Variants in ASCC3 observed in about 807,000 individuals in gnomAD.
The protein encoded by ASCC3 is ASC-1 complex subunit P200.
A neutral mutation model predicts 256.3 loss-of-function variants in ASCC3; 158 were observed. That is an observed-to-expected ratio of 0.62 (90% CI 0.54 to 0.70). The LOEUF (loss-of-function observed/expected upper bound fraction) is 0.70. ASCC3 is among the 30% of genes least tolerant of loss of function. The probability of loss-of-function intolerance (pLI) is 0.00; values close to 1 mark genes in which losing one functional copy is unlikely to be tolerated. For missense variants in ASCC3, 2,259 were observed against 2,626.0 expected, an observed-to-expected ratio of 0.86 and a Z score of 3.05; for synonymous variants, 948 against 883.4, an observed-to-expected ratio of 1.07 and a Z score of -1.30.
chr6:100,670,418 T>C (rs1157496067), intron 14 of ASCC3, among the ~76,000 whole-genome samples: 1 of 152,078 alleles, frequency 6.6e-6, no homozygotes, highest in East Asian at 1.9e-4. Context: ...TAATTTACAC[T>C]GTCTGCCTGT....
intron 4 of ASCC3, among the ~76,000 whole-genome samples, chr6:100,846,744 T>C (rs1772403319): frequency 6.6e-6 from 1 of 152,194 alleles, no homozygotes; most frequent in Non-Finnish European, 1.5e-5. Flanking sequence ...TAAGAATTGG[T>C]TCAAGCTTAA....
chr6:100,731,638 G>C (rs1353200144), intron 10 of ASCC3, among the ~76,000 whole-genome samples: 2 of 152,186 alleles, frequency 1.3e-5, no homozygotes, highest in African/African-American at 4.8e-5. Context: ...TTGTCCTGTG[G>C]TGAGACCTAA....
At chr6:100,686,370 C>T (rs1370350891) in intron 13 of ASCC3, among the ~76,000 whole-genome samples, 1 of 152,088 alleles carries the variant, frequency 6.6e-6, no homozygotes, top group Admixed American at 6.5e-5. Context: ...CCACCCTTCC[C>T]TCTAACCTAG....
Position 100,662,360 on chromosome 6 carries a change from A to G in ASCC3, c.2463T>C (p.His821=). 1 of 1,612,938 alleles carries G rather than the reference A, an allele frequency of 6.2e-7. No individual in the cohort carries two copies. The highest frequency in any genetic ancestry group is 8.5e-7 in the Non-Finnish European group (1 of 1,179,264). The part of the protein sequence containing the change: ...TLAWGVNLPA[H]AVIIKGTQIY... ...AAGCTCTTACCTTAATAATAACAGCATGGGCGGGAAGATTGACACCCCAGG... is the reference window on the plus strand; with the variant it reads ...AAGCTCTTACCTTAATAATAACAGCGTGGGCGGGAAGATTGACACCCCAGG... Residue 821 remains histidine, a synonymous_variant, in exon 15 of 42, where the codon CAT becomes CAC. Coordinates refer to ENST00000369162, the MANE Select transcript of ASCC3 (RefSeq NM_006828.4).
chr6:100,808,153 G>A (rs1354859364), intron 4 of ASCC3, among the ~76,000 whole-genome samples: 1 of 151,884 alleles, frequency 6.6e-6, no homozygotes, highest in East Asian at 1.9e-4. Context: ...GATGATACCA[G>A]TGATAATATT....
Position 100,601,727 on chromosome 6 carries a change from T to TAATAA in ASCC3, c.5303+82_5303+83insTTATT, listed in dbSNP as rs1211893392. The TAATAA allele has an allele frequency of 4.1e-5, 62 of 1,529,772 alleles. 1 individual carries two copies. In the Admixed American group the frequency reaches 1.0e-3, roughly 26 times the overall value. The allele number at this position is 1,529,772 out of a possible 1,614,324, so 94.8% of individuals were successfully genotyped here. Reference sequence around the variant, plus strand: ...TCCAAAGTTCTGCCTTTTTTGTATGTACCTTAATTTGGAGTTTATTACTTT... The same window carrying TAATAA: ...TCCAAAGTTCTGCCTTTTTTGTATGTAATAAACCTTAATTTGGAGTTTATTACTTT... On this transcript the variant is annotated intron_variant, in intron 34 of 41. Coordinates refer to ENST00000369162, the MANE Select transcript of ASCC3 (RefSeq NM_006828.4).
chr6:100,719,059 T>C (rs1455921983), intron 11 of ASCC3, among the ~76,000 whole-genome samples: 1 of 152,096 alleles, frequency 6.6e-6, no homozygotes, highest in African/African-American at 2.4e-5. Context: ...GAGTCATCCA[T>C]CCATCAACAC....
chr6:100,858,123 C>T (rs917380249), intron 3 of ASCC3: 70 of 385,934 alleles, frequency 1.8e-4, no homozygotes, highest in African/African-American at 3.8e-4. Flanking sequence ...CTTTTGTAAA[C>T]GTAAAATAAA....
In ASCC3 at chr6:100,838,344, A is replaced by G. The variant is rs187198980; in HGVS notation, c.801+9804T>C. ...GATCTGAATATGGATAATTATAAAT[A>G]GCAGATAATGTTATTTAAAACTTTA... On this transcript the variant is annotated intron_variant, in intron 4 of 41. Coordinates refer to ENST00000369162, the MANE Select transcript of ASCC3 (RefSeq NM_006828.4). Among the ~76,000 whole-genome samples the G allele has an allele frequency of 2.0e-3, 310 of 152,194 alleles. 1 individual carries two copies. The highest frequency in any genetic ancestry group is 7.2e-3 in the African/African-American group (300 of 41,582).
intron 10 of ASCC3, among the ~76,000 whole-genome samples, chr6:100,727,823 T>G (rs1020803505): frequency 5.9e-5 from 9 of 151,850 alleles, no homozygotes; most frequent in Non-Finnish European, 1.5e-5. Flanking sequence ...AATAGTGGTT[T>G]GGAGGGGGAG....
chr6:100,760,611 T>C (rs1312985269), intron 10 of ASCC3, among the ~76,000 whole-genome samples: 3 of 152,116 alleles, frequency 2.0e-5, no homozygotes, highest in Non-Finnish European at 4.4e-5. Flanking sequence ...AAAATAGAAA[T>C]GTCTCAGCAA....
chr6:100,605,683 C>T lies in ASCC3; in HGVS notation c.5062G>A (p.Gly1688Arg). 1 of 1,613,326 alleles carries T rather than the reference C, an allele frequency of 6.2e-7. No individual in the cohort carries two copies. Among genetic ancestry groups the T allele is most frequent in the Non-Finnish European group, 8.5e-7 (1 of 1,179,572 alleles). The change falls in exon 33 of 42, where the codon GGG becomes AGG. Residue 1688 changes from glycine to arginine, a missense_variant. Gly to Arg is a moderately radical substitution (Grantham distance 125, BLOSUM62 -2). Transcript: ENST00000369162. ...FPITDVLQMM[G>R]RAGRPQFDDQ... ...TCGAACTGCGGCCTCCCAGCACGCC[C>T]CATCATCTGGAGGACATCTTTAAAA...
intron 34 of ASCC3, among the ~76,000 whole-genome samples, chr6:100,597,800 G>T (rs1405503865): frequency 1.2e-5 from 1 of 81,398 alleles, no homozygotes; most frequent in Non-Finnish European, 2.4e-5. Flanking sequence ...GTGAAACCCC[G>T]TCTCTACTGA....
intron 33 of ASCC3, among the ~76,000 whole-genome samples, chr6:100,605,341 T>C (rs536289430): frequency 7.9e-5 from 12 of 152,164 alleles, no homozygotes; most frequent in East Asian, 1.9e-4. Flanking sequence ...TCTGGCTTCA[T>C]AGTCAATGCG....
At chr6:100,510,141 A>T (rs1773691726) in intron 40 of ASCC3, 34 bp from the exon 41 acceptor site, 6 of 1,611,594 alleles carry the variant, frequency 3.7e-6, no homozygotes, top group Non-Finnish European at 5.1e-6. Context: ...AACATTAAAA[A>T]TATCTAGACT....
intron 12 of ASCC3, among the ~76,000 whole-genome samples, chr6:100,717,185 A>G (rs547651025): frequency 5.3e-5 from 8 of 152,078 alleles, no homozygotes; most frequent in Non-Finnish European, 1.0e-4. Flanking sequence ...TAACTGTTGT[A>G]TTATGGTAAC....
At chr6:100,769,766 T>C (rs554511535) in intron 8 of ASCC3, among the ~76,000 whole-genome samples, 3 of 151,940 alleles carry the variant, frequency 2.0e-5, no homozygotes, top group South Asian at 4.1e-4. Flanking sequence ...GTGGCATCAC[T>C]AGAGATAATA....
chr6:100,614,804 G>A (rs1183346934), intron 30 of ASCC3, among the ~76,000 whole-genome samples: 3 of 152,098 alleles, frequency 2.0e-5, no homozygotes, highest in Non-Finnish European at 2.9e-5. Context: ...AATGAGTTAT[G>A]AAATAATGAG....
intron 30 of ASCC3, 98 bp downstream of exon 30, chr6:100,625,094 T>A (rs1257415391): frequency 6.9e-7 from 1 of 1,442,006 alleles, no homozygotes; most frequent in Non-Finnish European, 9.6e-7. Flanking sequence ...TATTATGAAT[T>A]TCTTCTTTCC....
Sources: allele counts gnomAD v4.1 joint callset (sites outside exome capture counted in the v4.1 genomes callset), GRCh38; gene constraint gnomAD v4.1.1; transcripts MANE v1.5; gene names NCBI Gene and HGNC (gene_info 2026-07-23, HGNC 2026-07-21).